Variants in SCP2 observed in about 807,000 individuals in gnomAD.
SCP2 encodes the protein SCP-2/3-oxoacyl-CoA thiolase.
In SCP2, 48 loss-of-function variants were observed where a neutral mutation model predicts 71.4. That is an observed-to-expected ratio of 0.67 (90% CI 0.53 to 0.86). The LOEUF is 0.86. Among genes scored for constraint, SCP2 ranks in the 40% least tolerant of loss-of-function variants. SCP2 has a pLI of 0.00. For synonymous variants in SCP2, 220 were observed against 218.1 expected (o/e 1.01, Z -0.08); for missense variants, 560 against 655.6 (o/e 0.85, Z 1.59).
chr1:53,009,545 A>T (rs962021667), intron 11 of SCP2, among the ~76,000 whole-genome samples: 3 of 152,248 alleles, frequency 2.0e-5, no homozygotes, highest in African/African-American at 7.2e-5. Context: ...CCTATTTAGT[A>T]AACGGTGCTG....
intron 1 of SCP2, chr1:52,928,573 G>C (rs906155093): frequency 9.2e-5 from 14 of 152,306 alleles, no homozygotes; most frequent in Admixed American, 2.0e-4. Context: ...CTGAGGTCAA[G>C]AGTTCGAGAC....
At chr1:53,002,461 T>C (rs1036003591) in intron 11 of SCP2, among the ~76,000 whole-genome samples, 1 of 152,182 alleles carries the variant, frequency 6.6e-6, no homozygotes, top group Non-Finnish European at 1.5e-5. Context: ...GAGAACTTTC[T>C]AACATGGCTT....
At chr1:52,962,853 C>T (rs1656598565) in intron 6 of SCP2, among the ~76,000 whole-genome samples, 1 of 151,824 alleles carries the variant, frequency 6.6e-6, no homozygotes, top group Non-Finnish European at 1.5e-5. Flanking sequence ...AATAATCTGA[C>T]ATATATCTGA....
Position 52,980,471 on chromosome 1 carries a change from G to T in SCP2, c.901G>T (p.Val301Leu), listed in dbSNP as rs374102289. ...TGGCCTGACACCAAATGATATTGAC[G>T]TAATAGAACTTCACGATTGCTTTTC... ...KSGLTPNDID[V>L]IELHDCFSTN... is the part of the protein sequence containing the mutation. Residue 301 changes from valine to leucine, a missense_variant, in exon 10 of 16, where the codon GTA becomes TTA. This residue lies in a region of SCP2 where 513 missense variants were observed against 573.1 expected (regional missense o/e 0.90). Coordinates refer to ENST00000371514, the MANE Select transcript of SCP2 (RefSeq NM_002979.5). 36 of 1,613,682 alleles carry T rather than the reference G, an allele frequency of 2.2e-5. No individual in the cohort carries two copies. In the African/African-American group the frequency reaches 4.8e-4, roughly 22 times the overall value.
At chr1:53,021,866 A>G (rs898474652) in intron 12 of SCP2, among the ~76,000 whole-genome samples, 4 of 151,176 alleles carry the variant, frequency 2.6e-5, no homozygotes, top group Non-Finnish European at 5.9e-5. Flanking sequence ...GCTGGTCTTG[A>G]ACTCCTGGCC....
chr1:53,014,912 C>G lies in SCP2; in HGVS notation c.1104C>G (p.Leu368=). Residue 368 remains leucine, a synonymous_variant, in exon 12 of 16, where the codon CTC becomes CTG. Transcript: ENST00000371514. ...TAGGTCTTGCTCAGTGTGCAGAACT[C>G]TGCTGGCAGCTGAGAGGGGAAGCCG... The part of the protein sequence containing the change: ...GATGLAQCAE[L]CWQLRGEAGK... 1 of 1,613,456 alleles carries G rather than the reference C, an allele frequency of 6.2e-7. No homozygotes were observed.
chr1:52,975,237 G>T (rs999437430), intron 7 of SCP2, among the ~76,000 whole-genome samples: 2 of 151,914 alleles, frequency 1.3e-5, no homozygotes, highest in African/African-American at 4.8e-5. Context: ...CTGGAATGCA[G>T]TGGCATGATC....
intron 2 of SCP2, among the ~76,000 whole-genome samples, chr1:52,946,479 G>C (rs1465895135): frequency 6.6e-6 from 1 of 152,064 alleles, no homozygotes; most frequent in African/African-American, 2.4e-5. Context: ...GCCTCCTAAA[G>C]TACAGTAAGC....
chr1:53,006,338 A>G (rs190474832), intron 11 of SCP2, among the ~76,000 whole-genome samples: 1 of 152,318 alleles, frequency 6.6e-6, no homozygotes, highest in Admixed American at 6.5e-5. Flanking sequence ...CAGATTCACT[A>G]AAGTTGAAAT....
intron 4 of SCP2, among the ~76,000 whole-genome samples, chr1:52,952,141 C>A (rs1414337326): frequency 6.6e-6 from 1 of 152,076 alleles, no homozygotes; most frequent in East Asian, 1.9e-4. Context: ...ATTTTCTCCT[C>A]CCCTCAGTCC....
chr1:52,933,580 A>G (rs1653368813), intron 1 of SCP2, among the ~76,000 whole-genome samples: 1 of 152,202 alleles, frequency 6.6e-6, no homozygotes, highest in Non-Finnish European at 1.5e-5. Context: ...TCATATGTTT[A>G]TTGTTTTTCC....
chr1:53,012,995 A>G (rs1400424260), intron 11 of SCP2, among the ~76,000 whole-genome samples: 2 of 152,184 alleles, frequency 1.3e-5, no homozygotes, highest in Admixed American at 6.5e-5. Context: ...GATTTCCAGT[A>G]AAACTGATTG....
At position 52,995,873 on chromosome 1, in the gene SCP2, C is replaced by T. The variant is rs1659899320; in HGVS notation, c.1081+7737C>T. On this transcript the variant is annotated intron_variant, in intron 11 of 15. Transcript: ENST00000371514. Reference sequence around the variant, plus strand: ...TGCCATGTTCCCCTGGAAGGCCTTCCTCCACTGGTACACAGCTGAGGGCAT... The same window carrying T: ...TGCCATGTTCCCCTGGAAGGCCTTCTTCCACTGGTACACAGCTGAGGGCAT... 5 of 1,429,754 alleles carry T rather than the reference C, an allele frequency of 3.5e-6. No homozygotes were observed. The Admixed American group carries it at 9.9e-5, about 28-fold the overall frequency. 88.6% of individuals were successfully genotyped at this position (1,429,754 alleles called of 1,614,324 possible). A position where few individuals can be genotyped will look rare whatever the true frequency, so the allele number is the denominator to read the frequency against.
chr1:52,986,265 A>G (rs1269567953), intron 10 of SCP2, among the ~76,000 whole-genome samples: 1 of 152,196 alleles, frequency 6.6e-6, no homozygotes, highest in African/African-American at 2.4e-5. Context: ...GATTGTATAT[A>G]TTATAGGAAA....
intron 11 of SCP2, chr1:52,994,313 G>A: frequency 1.0e-6 from 1 of 994,052 alleles, no homozygotes; most frequent in Non-Finnish European, 1.2e-6. Context: ...ACGCATATAG[G>A]AAACCTCTGT....
At chr1:52,988,385 A>C (rs1659179553) in intron 11 of SCP2, among the ~76,000 whole-genome samples, 1 of 152,164 alleles carries the variant, frequency 6.6e-6, no homozygotes, top group Non-Finnish European at 1.5e-5. Flanking sequence ...ATCTTACTAG[A>C]CCTGCTAAAT....
chr1:52,938,025 C>T (rs966610347), intron 1 of SCP2, among the ~76,000 whole-genome samples: 1 of 152,182 alleles, frequency 6.6e-6, no homozygotes, highest in Non-Finnish European at 1.5e-5. Flanking sequence ...ATTGCCACAG[C>T]ATAGTAGGTA....
chr1:52,951,575 A>T (rs1655314073), intron 4 of SCP2, among the ~76,000 whole-genome samples: 1 of 151,716 alleles, frequency 6.6e-6, no homozygotes, highest in Non-Finnish European at 1.5e-5. Context: ...AAAAAAAAAA[A>T]AAAATTAATT....
At chr1:52,967,650 A>G (rs1173021991) in intron 6 of SCP2, among the ~76,000 whole-genome samples, 1 of 152,156 alleles carries the variant, frequency 6.6e-6, no homozygotes, top group Non-Finnish European at 1.5e-5. Flanking sequence ...ATGAAGAGAA[A>G]GACAAAAAGA....
Sources: allele counts gnomAD v4.1 joint callset (sites outside exome capture counted in the v4.1 genomes callset), GRCh38; gene constraint gnomAD v4.1.1; regional missense constraint gnomAD v4.1.1; transcripts MANE v1.5; gene names NCBI Gene and HGNC (gene_info 2026-07-23, HGNC 2026-07-21).